The following CRELD1 variants were observed in gnomAD, a reference collection of about 807,000 sequenced individuals.
CRELD1 encodes CRELD disulfide isomerase 1, also known as protein disulfide isomerase CRELD1.
Under a neutral mutation model 58.2 loss-of-function variants are expected in CRELD1, and 42 were observed. The observed-to-expected ratio is 0.72, with a 90% CI of 0.56 to 0.93. The LOEUF (loss-of-function observed/expected upper bound fraction) is 0.93, where lower values mean the gene tolerates loss of function less well. Among genes scored for constraint, CRELD1 ranks in the 40% least tolerant of loss-of-function variants. The probability of loss-of-function intolerance (pLI) is 0.00; values close to 1 mark genes in which losing one functional copy is unlikely to be tolerated. For missense variants in CRELD1, 500 were observed against 540.6 expected (o/e 0.92, Z 0.74); for synonymous variants, 222 against 202.0 (o/e 1.10, Z -0.84).
At chr3:9,936,679 A>AC (rs904769712) in intron 3 of CRELD1, among the ~76,000 whole-genome samples, 16 of 151,500 alleles carry the variant, frequency 1.1e-4, no homozygotes, top group South Asian at 2.1e-4. Context: ...CATTTTCATT[A>AC]CCCCCCCAAA....
chr3:9,944,362 CAG>C lies in CRELD1; in HGVS notation c.1049_1050del. On this transcript the variant is annotated splice_acceptor_variant, in intron 10 of 10. Coordinates refer to ENST00000452070, the MANE Select transcript of CRELD1 (RefSeq NM_001077415.3). LOFTEE classifies it high-confidence loss of function. Reference sequence around the variant, plus strand: ...CCAGGCTGCATCTCTTGCTCCTCTGCAGAGTCAGCAGGCTTCTTCTCAGAGAT... The same window carrying C: ...CCAGGCTGCATCTCTTGCTCCTCTGCAGTCAGCAGGCTTCTTCTCAGAGAT... 1.2e-6 allele frequency: 2 copies of C among 1,613,358 alleles called. No homozygotes were observed. Among genetic ancestry groups the C allele is most frequent in the Non-Finnish European group, 1.7e-6 (2 of 1,179,420 alleles).
At position 9,938,022 on chromosome 3, in the gene CRELD1, G is replaced by T; in HGVS notation, c.376G>T (p.Glu126Ter). Residue 126 changes from glutamate (E) to a stop codon, truncating the protein, a stop_gained, in exon 5 of 11, where the codon GAG becomes TAG. Transcript: ENST00000452070. LOFTEE classifies it high-confidence loss of function. ...VESWWFHKQQ[E>*]APDLFQWLCS... ...ACCCTGCCCCTGCCTCAGGCAGCAG[G>T]AGGCCCCGGACCTCTTCCAGTGGCT... The T allele has an allele frequency of 1.2e-6, 2 of 1,613,506 alleles. No homozygotes were observed. Among genetic ancestry groups the T allele is most frequent in the Non-Finnish European group, 1.7e-6 (2 of 1,179,870 alleles).
At position 9,937,680 on chromosome 3, in the gene CRELD1, G is replaced by A. The variant is rs769900959; in HGVS notation, c.368+8G>A. 5 of 1,583,404 alleles carry A rather than the reference G, an allele frequency of 3.2e-6. No homozygotes were observed. In the South Asian group the frequency reaches 5.7e-5, roughly 18 times the overall value. On this transcript the variant is annotated splice_region_variant and intron_variant, in intron 4 of 10. Coordinates refer to ENST00000452070, the MANE Select transcript of CRELD1 (RefSeq NM_001077415.3). ...GAGCTGGTGGTTTCACAAGTGAGTG[G>A]CAAAGGGCCTTCCCTGGAAGTGGGT...
chr3:9,943,833 G>T lies in CRELD1; in HGVS notation c.1048+318G>T, dbSNP rs142241152. On this transcript the variant is annotated intron_variant, in intron 10 of 10. Coordinates refer to ENST00000452070, the MANE Select transcript of CRELD1 (RefSeq NM_001077415.3). ...TCCTAGGCCGGGGGTGTGGTGAGAT[G>T]CAGGGTAATCACAACGATGATGGCA... 6.1e-5 allele frequency: 98 copies of T among 1,613,516 alleles called. No individual in the cohort carries two copies. The African/African-American group carries it at 9.7e-4, about 16-fold the overall frequency.
At chr3:9,940,158 G>C (rs928213527) in intron 5 of CRELD1, among the ~76,000 whole-genome samples, 4 of 152,026 alleles carry the variant, frequency 2.6e-5, no homozygotes, top group Non-Finnish European at 4.4e-5. Context: ...ATGGCGGCCG[G>C]GCAGAGACGC....
chr3:9,935,143 A>T (rs563747685), intron 3 of CRELD1: 2 of 520,084 alleles, frequency 3.8e-6, no homozygotes, highest in Non-Finnish European at 7.0e-6. Context: ...ATTATGTCAG[A>T]TGAAGAACAA....
chr3:9,942,670 G>GC (rs1313774972), intron 7 of CRELD1, 143 bp from the exon 8 acceptor site: 3 of 727,014 alleles, frequency 4.1e-6, no homozygotes, highest in Non-Finnish European at 7.4e-6. Context: ...CTGAAGTCCA[G>GC]CTAGTCTGCT....
At position 9,934,935 on chromosome 3, in the gene CRELD1, G is replaced by A. The variant is rs1274276699; in HGVS notation, c.257+18G>A. 5 of 1,597,654 alleles carry A rather than the reference G, an allele frequency of 3.1e-6. No individual in the cohort carries two copies. The highest frequency in any genetic ancestry group is 1.1e-5 in the South Asian group (1 of 89,162). ...AAAGACAGGTAAGGGGCTGCTGGGG[G>A]AAGGGGTGTATATTCCCCTCCCCGC... On this transcript the variant is annotated intron_variant, in intron 3 of 10. Coordinates refer to ENST00000452070, the MANE Select transcript of CRELD1 (RefSeq NM_001077415.3).
rs531711942 is a variant in CRELD1 at position 9,944,821 on chromosome 3, G to A, written c.*242G>A. 3.6e-6 allele frequency: 2 copies of A among 560,056 alleles called. No homozygotes were observed. The highest frequency in any genetic ancestry group is 4.0e-5 in the South Asian group (2 of 49,922). 34.7% of individuals were successfully genotyped at this position (560,056 alleles called of 1,614,324 possible). On this transcript the variant is annotated 3_prime_UTR_variant, in exon 11 of 11. Coordinates refer to ENST00000452070, the MANE Select transcript of CRELD1 (RefSeq NM_001077415.3). ...GGCGGGGACTGGCAGGCTTCACAAT[G>A]TGTGAATTTCAAAAGTTTTTCCTTA... is the stretch of plus-strand genomic sequence containing the variant.
chr3:9,934,239 T>C (rs566011583), intron 1 of CRELD1, 181 bp from the exon 2 acceptor site: 15 of 602,118 alleles, frequency 2.5e-5, no homozygotes, highest in South Asian at 1.2e-4. Context: ...ATTTCTCTTC[T>C]GGAATTGCAT....
chr3:9,944,653 C>T lies in CRELD1; in HGVS notation c.*74C>T. The T allele has an allele frequency of 3.0e-6, 4 of 1,340,250 alleles. No individual in the cohort carries two copies. Among genetic ancestry groups the T allele is most frequent in the Non-Finnish European group, 4.1e-6 (4 of 966,900 alleles). 83.0% of individuals were successfully genotyped at this position (1,340,250 alleles called of 1,614,324 possible). On this transcript the variant is annotated 3_prime_UTR_variant, in exon 11 of 11. Transcript: ENST00000452070. ...GCTTGGGCTGCCCTCCTGCTGGACA[C>T]TCAGGACAGCTTGGTTTATTTTTGA...
intron 4 of CRELD1, 69 bp downstream of exon 4, chr3:9,937,741 C>G: frequency 8.7e-7 from 1 of 1,147,172 alleles, no homozygotes. Flanking sequence ...CTGATTTGGC[C>G]GAGAAGCAGG....
At chr3:9,938,148 G>C (rs751041958) in intron 5 of CRELD1, 42 bp downstream of exon 5, 1 of 1,442,232 alleles carries the variant, frequency 6.9e-7, no homozygotes, top group Admixed American at 1.7e-5. Flanking sequence ...GGGGACCACC[G>C]AGTCCAGGGA....
Position 9,934,505 on chromosome 3 carries a change from C to T in CRELD1, c.67C>T (p.Leu23Phe). Residue 23 changes from leucine (L) to phenylalanine (F), a missense_variant, in exon 2 of 11, where the codon CTC becomes TTC. Physicochemically the swap from Leu to Phe is conservative, Grantham distance 22 (BLOSUM62 0). Transcript: ENST00000452070. ...CTGGGGCCTCAGCCTCTTCCTCAAC[C>T]TCCCAGGACCTATCTGGCTCCAGCC... The part of the protein sequence containing the change: ...MLWGLSLFLN[L>F]PGPIWLQPSP... 2 of 1,613,598 alleles carry T rather than the reference C, an allele frequency of 1.2e-6. No individual in the cohort carries two copies. Among genetic ancestry groups the T allele is most frequent in the Non-Finnish European group, 1.7e-6 (2 of 1,179,568 alleles).
At chr3:9,936,919 C>G (rs2085212048) in intron 3 of CRELD1, among the ~76,000 whole-genome samples, 1 of 152,206 alleles carries the variant, frequency 6.6e-6, no homozygotes, top group Admixed American at 6.5e-5. Context: ...GAATAATATT[C>G]TCATTTGGCT....
chr3:9,940,740 AG>A (rs1371568930), intron 5 of CRELD1, 109 bp from the exon 6 acceptor site: 598 of 482,814 alleles, frequency 1.2e-3, no homozygotes, highest in Middle Eastern at 3.1e-3. Context: ...GGGGGAGGGG[AG>A]GGGGGGAGGG....
intron 3 of CRELD1, among the ~76,000 whole-genome samples, chr3:9,935,488 G>T (rs1292284285): frequency 6.6e-6 from 1 of 152,170 alleles, no homozygotes; most frequent in Non-Finnish European, 1.5e-5. Flanking sequence ...CTGCTATGTA[G>T]CAAACGGATT....
In CRELD1 at chr3:9,940,892, A is replaced by G; in HGVS notation, c.503A>G (p.Gln168Arg). 1 of 1,613,818 alleles carries G rather than the reference A, an allele frequency of 6.2e-7. No individual in the cohort carries two copies. The highest frequency in any genetic ancestry group is 1.1e-5 in the South Asian group (1 of 91,038). ...GTERPCGGYG[Q>R]CEGEGTRGGS... is the part of the protein sequence containing the mutation. ...GAGAGGCCCTGCGGTGGCTACGGGCAGTGTGAAGGAGAAGGGACACGAGGG... is the reference window on the plus strand; with the variant it reads ...GAGAGGCCCTGCGGTGGCTACGGGCGGTGTGAAGGAGAAGGGACACGAGGG... Residue 168 changes from glutamine to arginine, a missense_variant, in exon 6 of 11, where the codon CAG (glutamine) becomes CGG (arginine). By Grantham distance (43) the Gln-to-Arg change is conservative. Transcript: ENST00000452070.
intron 8 of CRELD1, 55 bp downstream of exon 8, chr3:9,942,951 C>G: frequency 6.5e-7 from 1 of 1,545,416 alleles, no homozygotes; most frequent in East Asian, 2.2e-5. Flanking sequence ...AAGAGCTGCT[C>G]CACACCTGTC....
Sources: gnomAD v4.1 joint callset for allele counts (sites outside exome capture counted in the v4.1 genomes callset) on GRCh38, gnomAD v4.1.1 for gene constraint, MANE v1.5 for transcripts, NCBI Gene and HGNC (gene_info 2026-07-23, HGNC 2026-07-21) for gene names.